The following MITF variants were observed in gnomAD, a reference collection of about 807,000 sequenced individuals.
MITF encodes melanocyte inducing transcription factor, also known as microphthalmia-associated transcription factor.
Under a neutral mutation model 60.5 loss-of-function variants are expected in MITF, and 17 were observed. The observed-to-expected ratio is 0.28, with a 90% confidence interval of 0.19 to 0.42. The LOEUF (loss-of-function observed/expected upper bound fraction) is 0.42. MITF is among the 10% of genes least tolerant of loss of function. The pLI, the probability that MITF is intolerant of heterozygous loss-of-function variation, is 1.00. For synonymous variants in MITF, 260 were observed against 248.5 expected, an observed-to-expected ratio of 1.05 and a Z score of -0.43; for missense variants, 622 against 683.5, an observed-to-expected ratio of 0.91 and a Z score of 1.00.
intron 1 of MITF, among the ~76,000 whole-genome samples, chr3:69,806,576 A>T (rs1054510530): frequency 6.6e-6 from 1 of 152,120 alleles, no homozygotes; most frequent in Non-Finnish European, 1.5e-5. Context: ...GGATCTTTAG[A>T]GGTGGGTCCT....
chr3:69,846,867 T>G (rs558563006), intron 1 of MITF, among the ~76,000 whole-genome samples: 1 of 151,708 alleles, frequency 6.6e-6, no homozygotes, highest in Non-Finnish European at 1.5e-5. Context: ...AGCCGGATCT[T>G]AGCTGATTGT....
At chr3:69,899,180 G>A (rs983580505) in intron 2 of MITF, among the ~76,000 whole-genome samples, 4 of 152,128 alleles carry the variant, frequency 2.6e-5, no homozygotes, top group African/African-American at 9.7e-5. Context: ...TGAAAGCTGT[G>A]GTGAGAGAAA....
chr3:69,830,203 A>G (rs1262475095), intron 1 of MITF, among the ~76,000 whole-genome samples: 1 of 152,050 alleles, frequency 6.6e-6, no homozygotes, highest in Non-Finnish European at 1.5e-5. Context: ...TCAAAGAATC[A>G]CTGGTGTACA....
In MITF at chr3:69,794,598, G is replaced by A. The variant is rs963305141; in HGVS notation, c.104+54897G>A. On this transcript the variant is annotated intron_variant, in intron 1 of 9. Transcript: ENST00000352241. The stretch of plus-strand genomic sequence containing the variant: ...TTGGTCATCAGGGTAATGGCAACAC[G>A]TTAAAATTCACATGCATTAAAAAAA... Among the ~76,000 whole-genome samples, 74 of 152,230 alleles carry A rather than the reference G, an allele frequency of 4.9e-4. 1 individual carries two copies. Among genetic ancestry groups the A allele is most frequent in the Non-Finnish European group, 2.8e-4 (19 of 68,036 alleles).
chr3:69,944,002 G>A (rs1222369377), intron 5 of MITF, among the ~76,000 whole-genome samples: 1 of 152,094 alleles, frequency 6.6e-6, no homozygotes, highest in African/African-American at 2.4e-5. Flanking sequence ...GCTGAGATGG[G>A]AGGATCACTT....
At chr3:69,844,573 T>C (rs757774585) in intron 1 of MITF, among the ~76,000 whole-genome samples, 2 of 152,182 alleles carry the variant, frequency 1.3e-5, no homozygotes, top group Non-Finnish European at 2.9e-5. Flanking sequence ...AAAGACTTCA[T>C]GGCTAAAACA....
chr3:69,757,637 C>A (rs935591814), intron 1 of MITF, among the ~76,000 whole-genome samples: 4 of 151,912 alleles, frequency 2.6e-5, no homozygotes, highest in African/African-American at 9.7e-5. Context: ...TGGGGAAGAG[C>A]CAGCTATCAG....
At chr3:69,919,364 C>A (rs2065410535) in intron 2 of MITF, among the ~76,000 whole-genome samples, 1 of 152,122 alleles carries the variant, frequency 6.6e-6, no homozygotes, top group Admixed American at 6.6e-5. Flanking sequence ...ACTACTGTAG[C>A]TTTTGTTTTG....
chr3:69,874,019 G>A lies in MITF; in HGVS notation c.105-5115G>A, dbSNP rs2064296544. 2.0e-5 allele frequency among the ~76,000 whole-genome samples: 3 copies of A among 152,254 alleles called. No individual in the cohort carries two copies. In the East Asian group the frequency reaches 5.8e-4, roughly 29 times the overall value. ...GTAGCTTAACCCATACATGACATAGGTTTCTCCTTTGCCCAGGAGGTTAAC... is the reference window on the plus strand; with the variant it reads ...GTAGCTTAACCCATACATGACATAGATTTCTCCTTTGCCCAGGAGGTTAAC... On this transcript the variant is annotated intron_variant, in intron 1 of 9. Transcript: ENST00000352241.
intron 1 of MITF, among the ~76,000 whole-genome samples, chr3:69,839,280 A>G (rs912865391): frequency 6.6e-6 from 1 of 152,012 alleles, no homozygotes; most frequent in African/African-American, 2.4e-5. Context: ...TGAGCTTTGT[A>G]GTGATCTCTG....
chr3:69,848,792 C>T (rs1443138902), intron 1 of MITF, among the ~76,000 whole-genome samples: 3 of 152,078 alleles, frequency 2.0e-5, no homozygotes, highest in African/African-American at 7.2e-5. Context: ...AAAACAAACC[C>T]ACCACAGACA....
chr3:69,955,782 C>G (rs1298147840), intron 7 of MITF, among the ~76,000 whole-genome samples: 3 of 151,982 alleles, frequency 2.0e-5, no homozygotes, highest in African/African-American at 7.3e-5. Context: ...CCACCGCACT[C>G]CAGCCTGGGT....
intron 2 of MITF, among the ~76,000 whole-genome samples, chr3:69,919,771 CTT>C (rs1483880281): frequency 6.6e-6 from 1 of 151,368 alleles, no homozygotes; most frequent in Non-Finnish European, 1.5e-5. Context: ...AAAGAAATAA[CTT>C]TTCAAAATGT....
chr3:69,741,170 G>A (rs182057585), intron 1 of MITF, among the ~76,000 whole-genome samples: 48 of 152,242 alleles, frequency 3.2e-4, no homozygotes, highest in Non-Finnish European at 2.9e-5. Flanking sequence ...TTTTGTGTGT[G>A]AGCATAGATT....
intron 2 of MITF, among the ~76,000 whole-genome samples, chr3:69,916,129 T>G (rs1255177264): frequency 6.6e-6 from 1 of 152,230 alleles, no homozygotes; most frequent in Non-Finnish European, 1.5e-5. Context: ...CTTTTTCCTA[T>G]TCATATGTTT....
intron 2 of MITF, chr3:69,937,307 T>C (rs918775929): frequency 5.9e-6 from 1 of 168,504 alleles, no homozygotes; most frequent in Non-Finnish European, 1.3e-5. Flanking sequence ...GTTGATTTAA[T>C]CATTGGAAGA....
chr3:69,860,043 T>C (rs905493160), intron 1 of MITF, among the ~76,000 whole-genome samples: 1 of 152,158 alleles, frequency 6.6e-6, no homozygotes, highest in Admixed American at 6.5e-5. Context: ...CAGCATAATC[T>C]CATCAGTGTG....
At chr3:69,795,594 T>C (rs1361555987) in intron 1 of MITF, among the ~76,000 whole-genome samples, 2 of 152,080 alleles carry the variant, frequency 1.3e-5, no homozygotes, top group Middle Eastern at 3.4e-3. Context: ...AGCATGGTGG[T>C]GTGTACCTGT....
intron 1 of MITF, among the ~76,000 whole-genome samples, chr3:69,759,167 A>G (rs928501288): frequency 6.6e-6 from 1 of 152,216 alleles, no homozygotes; most frequent in Non-Finnish European, 1.5e-5. Context: ...TAATCAATCT[A>G]TCAATACATA....
Sources: allele counts gnomAD v4.1 joint callset (sites outside exome capture counted in the v4.1 genomes callset), GRCh38; gene constraint gnomAD v4.1.1; transcripts MANE v1.5; gene names NCBI Gene and HGNC (gene_info 2026-07-23, HGNC 2026-07-21).